The following TTC39C variants were observed in gnomAD, a reference collection of about 807,000 sequenced individuals.
TTC39C encodes tetratricopeptide repeat domain 39C.
Under a neutral mutation model 76.3 loss-of-function variants are expected in TTC39C, and 33 were observed. The observed-to-expected ratio is 0.43, with a 90% CI of 0.33 to 0.58. The LOEUF (loss-of-function observed/expected upper bound fraction) is 0.58, where lower values mean the gene tolerates loss of function less well. Ranked by LOEUF, TTC39C falls within the 20% of genes least tolerant of loss-of-function variation. TTC39C has a pLI of 0.04. For synonymous variants in TTC39C, 254 were observed against 260.6 expected (o/e 0.97, Z 0.24); for missense variants, 595 against 701.4 (o/e 0.85, Z 1.71).
At chr18:24,116,588 A>G (rs1309877409) in intron 7 of TTC39C, among the ~76,000 whole-genome samples, 3 of 152,182 alleles carry the variant, frequency 2.0e-5, no homozygotes. Context: ...TGTCAATATC[A>G]CATCCCATAG....
chr18:24,104,222 G>A (rs779600929), intron 6 of TTC39C, among the ~76,000 whole-genome samples: 1 of 152,056 alleles, frequency 6.6e-6, no homozygotes, highest in Non-Finnish European at 1.5e-5. Context: ...ATGAGCTACC[G>A]CACCTAGCCC....
intron 7 of TTC39C, among the ~76,000 whole-genome samples, chr18:24,116,023 T>C (rs2084886879): frequency 6.6e-6 from 1 of 152,234 alleles, no homozygotes; most frequent in Non-Finnish European, 1.5e-5. Flanking sequence ...GAAGGTTAAC[T>C]CAGGAGTTGG....
intron 4 of TTC39C, among the ~76,000 whole-genome samples, chr18:24,073,309 A>G (rs1268888382): frequency 1.3e-5 from 2 of 152,122 alleles, no homozygotes; most frequent in African/African-American, 4.8e-5. Flanking sequence ...CGGGGCATGT[A>G]AGACCCTGCC....
intron 3 of TTC39C, among the ~76,000 whole-genome samples, chr18:24,068,138 C>G (rs1235743196): frequency 6.6e-6 from 1 of 152,192 alleles, no homozygotes; most frequent in African/African-American, 2.4e-5. Context: ...CCATGTCTAG[C>G]ACCTGTGTTA....
intron 6 of TTC39C, among the ~76,000 whole-genome samples, chr18:24,113,150 C>T (rs990263440): frequency 1.3e-5 from 2 of 152,178 alleles, no homozygotes; most frequent in East Asian, 1.9e-4. Context: ...CATTCATAAA[C>T]GGTGATAATG....
chr18:24,019,858 A>G (rs1300738238), intron 1 of TTC39C: 3 of 1,526,658 alleles, frequency 2.0e-6, no homozygotes, highest in South Asian at 1.2e-5. Flanking sequence ...GGCCTTTTAC[A>G]GAAAAAGTTT....
intron 6 of TTC39C, among the ~76,000 whole-genome samples, chr18:24,113,041 T>C (rs749585689): frequency 1.3e-5 from 2 of 152,166 alleles, no homozygotes; most frequent in Non-Finnish European, 2.9e-5. Flanking sequence ...CTGTGGGCGA[T>C]TCCCATTGTT....
At chr18:24,004,406 T>A (rs1333626847) in intron 1 of TTC39C, among the ~76,000 whole-genome samples, 1 of 152,220 alleles carries the variant, frequency 6.6e-6, no homozygotes, top group Non-Finnish European at 1.5e-5. Flanking sequence ...AAAAAATGTG[T>A]ATTTTTAGCC....
chr18:24,127,913 G>T (rs991063395), intron 10 of TTC39C, among the ~76,000 whole-genome samples: 1 of 152,120 alleles, frequency 6.6e-6, no homozygotes, highest in Non-Finnish European at 1.5e-5. Flanking sequence ...ATCCTCTGTG[G>T]TCTCTTATCT....
intron 8 of TTC39C, 104 bp from the exon 9 acceptor site, chr18:24,123,728 CAT>C (rs1431410282): frequency 1.3e-6 from 1 of 771,764 alleles, no homozygotes; most frequent in East Asian, 2.8e-5. Flanking sequence ...AGTCTTTAAA[CAT>C]ATTTGCTCCT....
chr18:24,123,997 A>AAC (rs2085013266), intron 9 of TTC39C, 54 bp downstream of exon 9: 1 of 1,354,874 alleles, frequency 7.4e-7, no homozygotes, highest in Non-Finnish European at 1.0e-6. Flanking sequence ...ATTTGTAACC[A>AAC]ACACTGCCTT....
chr18:23,999,531 G>A (rs1473695125), intron 1 of TTC39C, among the ~76,000 whole-genome samples: 1 of 152,366 alleles, frequency 6.6e-6, no homozygotes, highest in South Asian at 2.1e-4. Flanking sequence ...CAGTGGCAAA[G>A]CAGCCATCTT....
chr18:24,113,866 A>G (rs576538128), intron 6 of TTC39C: 4 of 582,232 alleles, frequency 6.9e-6, no homozygotes, highest in South Asian at 5.9e-5. Context: ...GGTCCCAGAC[A>G]GTGTTATGTG....
At chr18:24,022,452 G>A (rs1442191485) in intron 1 of TTC39C, 7 of 522,792 alleles carry the variant, frequency 1.3e-5, no homozygotes, top group Non-Finnish European at 1.5e-5. Context: ...CTCGGGTCTC[G>A]CAGCAGTAGT....
At chr18:24,091,952 G>A (rs548022192) in intron 6 of TTC39C, among the ~76,000 whole-genome samples, 1 of 151,658 alleles carries the variant, frequency 6.6e-6, no homozygotes, top group Non-Finnish European at 1.5e-5. Flanking sequence ...AATTAGCCAG[G>A]TGTGGTAGCG....
intron 1 of TTC39C, among the ~76,000 whole-genome samples, chr18:24,063,932 G>A (rs2084133574): frequency 6.6e-6 from 1 of 152,126 alleles, no homozygotes; most frequent in Non-Finnish European, 1.5e-5. Flanking sequence ...AAGAATCAGA[G>A]GCAAATTCTA....
intron 1 of TTC39C, among the ~76,000 whole-genome samples, chr18:24,057,171 A>G (rs915161090): frequency 5.9e-5 from 9 of 152,100 alleles, no homozygotes; most frequent in South Asian, 2.1e-4. Context: ...ATCCCAGTCA[A>G]TGTCTCATTT....
chr18:24,129,582 G>A (rs1373397281), intron 11 of TTC39C, among the ~76,000 whole-genome samples: 1 of 151,620 alleles, frequency 6.6e-6, no homozygotes, highest in African/African-American at 2.4e-5. Context: ...GAGACCAGCC[G>A]GGCCAACATG....
intron 4 of TTC39C, among the ~76,000 whole-genome samples, chr18:24,077,537 CTTTG>C (rs1465840510): frequency 6.6e-6 from 1 of 151,982 alleles, no homozygotes; most frequent in African/African-American, 2.4e-5. Flanking sequence ...TTATTTTTTC[CTTTG>C]TTTATTTTCT....
Sources: gnomAD v4.1 joint callset for allele counts (sites outside exome capture counted in the v4.1 genomes callset) on GRCh38, gnomAD v4.1.1 for gene constraint, MANE v1.5 for transcripts, NCBI Gene and HGNC (gene_info 2026-07-23, HGNC 2026-07-21) for gene names.